The following CRY2 variants were observed in gnomAD, a reference collection of about 807,000 sequenced individuals.
CRY2 encodes the protein cryptochrome-2.
CRY2 carries 31 observed loss-of-function variants against 69.5 expected under a neutral mutation model. That is an observed-to-expected ratio of 0.45 (90% CI 0.34 to 0.60). The LOEUF is 0.60. CRY2 is among the 20% of genes least tolerant of loss of function. CRY2 has a pLI of 0.02. For synonymous variants in CRY2, 303 were observed against 312.2 expected (o/e 0.97, Z 0.31); for missense variants, 606 against 797.8 (o/e 0.76, Z 2.90).
Position 45,869,752 on chromosome 11 carries a change from C to T in CRY2, c.1129C>T (p.Arg377Trp), listed in dbSNP as rs769770457. Residue 377 changes from arginine (R) to tryptophan (W), a missense_variant, in exon 7 of 12, where the codon CGG becomes TGG. Arg to Trp is a moderately radical substitution (Grantham distance 101). Coordinates refer to ENST00000616080, the MANE Select transcript of CRY2 (RefSeq NM_021117.5). Reference protein sequence around the residue: ...RQEGWIHHLARHAVACFLTRG... With the variant: ...RQEGWIHHLAWHAVACFLTRG... ...GGAGGGCTGGATCCACCACCTGGCC[C>T]GGCATGCCGTGGCCTGCTTCCTGAC... 1.2e-6 allele frequency: 2 copies of T among 1,613,844 alleles called. No homozygotes were observed. The highest frequency in any genetic ancestry group is 1.7e-6 in the Non-Finnish European group (2 of 1,179,884).
Position 45,847,589 on chromosome 11 carries a change from A to G in CRY2, c.99A>G (p.Arg33=). 1 of 1,604,248 alleles carries G rather than the reference A, an allele frequency of 6.2e-7. No individual in the cohort carries two copies. Among genetic ancestry groups the G allele is most frequent in the Non-Finnish European group, 8.5e-7 (1 of 1,176,762 alleles). Residue 33 remains arginine, a synonymous_variant, in exon 1 of 12, where the codon CGA becomes CGG. Transcript: ENST00000616080. The part of the protein sequence containing the change: ...SSVHWFRKGL[R]LHDNPALLAA... ...TGCACTGGTTCCGCAAAGGGCTGCG[A>G]CTCCACGACAACCCGGCGTTGCTGG... is the stretch of plus-strand genomic sequence containing the variant.
chr11:45,861,961 G>A, intron 4 of CRY2, 99 bp from the exon 5 acceptor site: 3 of 1,016,272 alleles, frequency 3.0e-6, no homozygotes, highest in Non-Finnish European at 4.4e-6. Context: ...CCGAGACACT[G>A]TGGTTCAATT....
At chr11:45,861,206 CTG>C (rs1236720740) in intron 4 of CRY2, 174 bp downstream of exon 4, 27 of 651,766 alleles carry the variant, frequency 4.1e-5, no homozygotes, top group Non-Finnish European at 6.5e-5. Context: ...TAATTTTAAA[CTG>C]TGTCCTTCTA....
At position 45,867,761 on chromosome 11, in the gene CRY2, G is replaced by A. The variant is rs1304595666; in HGVS notation, c.882+9G>A. On this transcript the variant is annotated intron_variant, in intron 6 of 11. Coordinates refer to ENST00000616080, the MANE Select transcript of CRY2 (RefSeq NM_021117.5). ...GGGACCTGTATAAAAAGGTAAGGGGGACATACCTGCCCACATTGCACCTAA... is the reference window on the plus strand; with the variant it reads ...GGGACCTGTATAAAAAGGTAAGGGGAACATACCTGCCCACATTGCACCTAA... 7 of 1,614,142 alleles carry A rather than the reference G, an allele frequency of 4.3e-6. No individual in the cohort carries two copies. The highest frequency in any genetic ancestry group is 5.9e-6 in the Non-Finnish European group (7 of 1,180,026).
intron 1 of CRY2, among the ~76,000 whole-genome samples, chr11:45,852,343 G>C (rs1044822975): frequency 6.6e-6 from 1 of 152,342 alleles, no homozygotes; most frequent in South Asian, 2.1e-4. Context: ...AGAAATTGGA[G>C]TAAAGAGGAG....
At chr11:45,855,066 G>A (rs1336019306) in intron 1 of CRY2, among the ~76,000 whole-genome samples, 2 of 152,258 alleles carry the variant, frequency 1.3e-5, no homozygotes, top group South Asian at 2.1e-4. Context: ...AAAATAAAAC[G>A]CTGAAGGCAC....
At position 45,861,010 on chromosome 11, in the gene CRY2, CG is replaced by C; in HGVS notation, c.631del (p.Val211CysfsTer48). 1 of 1,613,294 alleles carries C rather than the reference CG, an allele frequency of 6.2e-7. No homozygotes were observed. The highest frequency in any genetic ancestry group is 8.5e-7 in the Non-Finnish European group (1 of 1,179,922). On this transcript the variant is annotated frameshift_variant, in exon 4 of 12. Coordinates refer to ENST00000616080, the MANE Select transcript of CRY2 (RefSeq NM_021117.5). LOFTEE classifies it high-confidence loss of function. ...AGGAGAACCACGACGAGACCTACGG[CG>C]TGCCCTCCCTGGAGGAGCTGGGTGC... The part of the protein sequence containing the change: ...IQENHDETYG[V>X]PSLEELGFPT...
chr11:45,865,070 T>TG (rs2086319329), intron 5 of CRY2, among the ~76,000 whole-genome samples: 1 of 151,908 alleles, frequency 6.6e-6, no homozygotes, highest in Non-Finnish European at 1.5e-5. Flanking sequence ...AGAAATAAAG[T>TG]TTTTTAAATG....
chr11:45,882,281 C>CGTGTGTGGTACGTGTGTGTGT lies in CRY2; in HGVS notation c.*1376_*1396dup. 5.2e-6 allele frequency: 1 copy of CGTGTGTGGTACGTGTGTGTGT among 190,824 alleles called. No homozygotes were observed. Among genetic ancestry groups the CGTGTGTGGTACGTGTGTGTGT allele is most frequent in the Non-Finnish European group, 1.0e-5 (1 of 96,488 alleles). The allele number at this position is 190,824 out of a possible 1,614,324, so 11.8% of individuals were successfully genotyped here. ...GCCACAAAGTGTGTGTGTGTGTGTGCGTGTGTGGTACGTGTGTGTGTGTGT... is the reference window on the plus strand; with the variant it reads ...GCCACAAAGTGTGTGTGTGTGTGTGCGTGTGTGGTACGTGTGTGTGTGTGTGTGGTACGTGTGTGTGTGTGT... On this transcript the variant is annotated 3_prime_UTR_variant, in exon 12 of 12. Transcript: ENST00000616080.
chr11:45,860,408 A>G (rs2086278189), intron 3 of CRY2, among the ~76,000 whole-genome samples: 2 of 144,528 alleles, frequency 1.4e-5, no homozygotes, highest in Admixed American at 1.4e-4. Flanking sequence ...AAAAAAAAAC[A>G]TGTCTTCAGC....
chr11:45,864,016 C>T (rs1389469419), intron 5 of CRY2, among the ~76,000 whole-genome samples: 1 of 152,134 alleles, frequency 6.6e-6, no homozygotes, highest in African/African-American at 2.4e-5. Flanking sequence ...TTTTGTAACC[C>T]TCAATAATGA....
At chr11:45,878,709 G>A (rs1325360220) in intron 11 of CRY2, among the ~76,000 whole-genome samples, 1 of 151,882 alleles carries the variant, frequency 6.6e-6, no homozygotes, top group Admixed American at 6.6e-5. Context: ...GATCACCTGA[G>A]ATCAGGAGTT....
intron 5 of CRY2, among the ~76,000 whole-genome samples, chr11:45,865,183 A>C (rs1427598511): frequency 6.6e-6 from 1 of 152,184 alleles, no homozygotes; most frequent in Non-Finnish European, 1.5e-5. Flanking sequence ...CCTTCCTTTC[A>C]AACGTTTTGC....
At chr11:45,856,415 G>A in intron 2 of CRY2, 2 of 255,802 alleles carry the variant, frequency 7.8e-6, no homozygotes, top group Non-Finnish European at 7.4e-6. Flanking sequence ...GATTTATTAG[G>A]GTTCCTTCTA....
chr11:45,867,160 A>G (rs981055730), intron 5 of CRY2, among the ~76,000 whole-genome samples: 1 of 152,172 alleles, frequency 6.6e-6, no homozygotes, highest in Non-Finnish European at 1.5e-5. Context: ...CTGTTGAACA[A>G]TAATGCGAAG....
chr11:45,849,956 GT>G (rs773691074), intron 1 of CRY2, among the ~76,000 whole-genome samples: 4 of 151,600 alleles, frequency 2.6e-5, no homozygotes, highest in Non-Finnish European at 5.9e-5. Context: ...ATTGTTCTGG[GT>G]TATGGCCTGG....
At chr11:45,870,609 G>C (rs749387437) in intron 9 of CRY2, 77 bp downstream of exon 9, 11 of 1,529,900 alleles carry the variant, frequency 7.2e-6, no homozygotes, top group South Asian at 1.2e-5. Flanking sequence ...GGGATGTCCA[G>C]ATACTTGCAA....
intron 5 of CRY2, among the ~76,000 whole-genome samples, chr11:45,864,276 G>GA (rs1313421903): frequency 6.6e-6 from 1 of 151,974 alleles, no homozygotes; most frequent in Non-Finnish European, 1.5e-5. Flanking sequence ...GAAAGGAAAA[G>GA]AAAAAAATGG....
chr11:45,863,803 G>A (rs1261220284), intron 5 of CRY2, among the ~76,000 whole-genome samples: 1 of 151,958 alleles, frequency 6.6e-6, no homozygotes, highest in Non-Finnish European at 1.5e-5. Context: ...TGGAAGGTAG[G>A]TTTAGCTCTG....
Sources: allele counts gnomAD v4.1 joint callset (sites outside exome capture counted in the v4.1 genomes callset), GRCh38; gene constraint gnomAD v4.1.1; transcripts MANE v1.5; gene names NCBI Gene and HGNC (gene_info 2026-07-23, HGNC 2026-07-21).